The following PRKAG2 variants were observed in gnomAD, a reference collection of about 807,000 sequenced individuals.
PRKAG2 encodes 5'-AMP-activated protein kinase subunit gamma-2.
PRKAG2 carries 26 observed loss-of-function variants against 69.6 expected under a neutral mutation model. The observed-to-expected ratio is 0.37, with a 90% confidence interval of 0.27 to 0.52. The LOEUF (loss-of-function observed/expected upper bound fraction) is 0.52. PRKAG2 is among the 20% of genes least tolerant of loss of function. PRKAG2 has a pLI of 0.90. For missense variants in PRKAG2, 557 were observed against 740.0 expected (o/e 0.75, Z 2.87); for synonymous variants, 293 against 285.0 (o/e 1.03, Z -0.28).
At position 151,808,849 on chromosome 7, in the gene PRKAG2, G is replaced by A. The variant is rs148509576; in HGVS notation, c.115-22308C>T. On this transcript the variant is annotated intron_variant, in intron 1 of 15. Coordinates refer to ENST00000287878, the MANE Select transcript of PRKAG2 (RefSeq NM_016203.4). Reference sequence around the variant, plus strand: ...AAGTCCTGCAGTCTGTGAGACCCCCGAAGGGTCTGGGCCAGCATCCAAGGC... The same window carrying A: ...AAGTCCTGCAGTCTGTGAGACCCCCAAAGGGTCTGGGCCAGCATCCAAGGC... Among the ~76,000 whole-genome samples the A allele has an allele frequency of 9.5e-4, 144 of 152,254 alleles. 2 individuals are homozygous for A. In the East Asian group the frequency reaches 0.022, roughly 23 times the overall value.
intron 1 of PRKAG2, among the ~76,000 whole-genome samples, chr7:151,862,990 TG>T (rs1329141891): frequency 1.5e-5 from 2 of 133,388 alleles, no homozygotes; most frequent in African/African-American, 5.7e-5. Context: ...TGGTAGGTCC[TG>T]GGGTGCAGGG....
intron 5 of PRKAG2, among the ~76,000 whole-genome samples, chr7:151,619,697 T>A (rs1193917963): frequency 2.0e-5 from 3 of 152,178 alleles, no homozygotes; most frequent in African/African-American, 7.2e-5. Flanking sequence ...TCATTATGTA[T>A]ATGCAAATAT....
intron 1 of PRKAG2, among the ~76,000 whole-genome samples, chr7:151,869,892 T>C (rs60995722): frequency 0.041 from 6,166 of 152,210 alleles, 425 homozygotes; most frequent in African/African-American, 0.14. Context: ...CTGGGCCCTA[T>C]TGGAGCTTAC....
intron 3 of PRKAG2, chr7:151,736,433 C>T (rs56797283): frequency 1.0e-6 from 1 of 960,238 alleles, no homozygotes; most frequent in Non-Finnish European, 1.2e-6. Flanking sequence ...GAGGGAAGAC[C>T]AGATAGGCAA....
chr7:151,818,032 C>G (rs993273059), intron 1 of PRKAG2, among the ~76,000 whole-genome samples: 2 of 152,182 alleles, frequency 1.3e-5, no homozygotes, highest in African/African-American at 4.8e-5. Flanking sequence ...CCTATAACAT[C>G]TGAAATAAAC....
chr7:151,716,569 T>C (rs1294310617), intron 3 of PRKAG2, among the ~76,000 whole-genome samples: 2 of 151,960 alleles, frequency 1.3e-5, no homozygotes, highest in East Asian at 1.9e-4. Flanking sequence ...CCGCCCAGCC[T>C]TGCACTTAAC....
chr7:151,623,744 G>A lies in PRKAG2; in HGVS notation c.754+8325C>T, dbSNP rs550020438. Among the ~76,000 whole-genome samples, 184 of 152,232 alleles carry A rather than the reference G, an allele frequency of 1.2e-3. 1 individual carries two copies. Among genetic ancestry groups the A allele is most frequent in the Non-Finnish European group, 1.5e-3 (105 of 68,020 alleles). The stretch of plus-strand genomic sequence containing the variant: ...TTAAGTAGAAGAAATGAGACTCTAA[G>A]GTGAATCTGACTCATGCTCTTAATT... On this transcript the variant is annotated intron_variant, in intron 5 of 15. Coordinates refer to ENST00000287878, the MANE Select transcript of PRKAG2 (RefSeq NM_016203.4).
At chr7:151,681,718 A>G (rs912083864) in intron 3 of PRKAG2, among the ~76,000 whole-genome samples, 1 of 152,172 alleles carries the variant, frequency 6.6e-6, no homozygotes, top group African/African-American at 2.4e-5. Context: ...TTTAGCGAAT[A>G]AATGGCAGGG....
At chr7:151,560,998 C>T (rs180997648) in intron 14 of PRKAG2, among the ~76,000 whole-genome samples, 4 of 152,262 alleles carry the variant, frequency 2.6e-5, no homozygotes, top group Admixed American at 1.3e-4. Flanking sequence ...CATACGATGA[C>T]CTTAGGCTCT....
chr7:151,865,476 C>A (rs180774954), intron 1 of PRKAG2, among the ~76,000 whole-genome samples: 22 of 152,308 alleles, frequency 1.4e-4, no homozygotes, highest in African/African-American at 5.1e-4. Flanking sequence ...GACAGGGTGA[C>A]GGCATGCCCC....
At chr7:151,868,499 C>T (rs758936191) in intron 1 of PRKAG2, among the ~76,000 whole-genome samples, 3 of 152,262 alleles carry the variant, frequency 2.0e-5, no homozygotes, top group Non-Finnish European at 4.4e-5. Flanking sequence ...AAAGTCACCA[C>T]TCTGTTTCAA....
chr7:151,773,029 G>A (rs796235057), intron 3 of PRKAG2, among the ~76,000 whole-genome samples: 488 of 26,964 alleles, frequency 0.018, 18 homozygotes, highest in South Asian at 0.027. Context: ...AAGAAAGAGA[G>A]AGAGAGAGAG....
At chr7:151,870,705 G>A (rs907588603) in intron 1 of PRKAG2, among the ~76,000 whole-genome samples, 1 of 152,210 alleles carries the variant, frequency 6.6e-6, no homozygotes, top group Non-Finnish European at 1.5e-5. Context: ...CCGGATAGAG[G>A]CTATGGGGCA....
At position 151,756,706 on chromosome 7, in the gene PRKAG2, T is replaced by C. The variant is rs554291385; in HGVS notation, c.466+24446A>G. Among the ~76,000 whole-genome samples the C allele has an allele frequency of 2.6e-5, 4 of 152,118 alleles. No individual in the cohort carries two copies. Among genetic ancestry groups the C allele is most frequent in the African/African-American group, 9.6e-5 (4 of 41,512 alleles). ...GGCTCCCAGCGCCGCCCTCTTCCCT[T>C]CTCCCACCTGGGGTGGGAAAGGATT... On this transcript the variant is annotated intron_variant, in intron 3 of 15. Coordinates refer to ENST00000287878, the MANE Select transcript of PRKAG2 (RefSeq NM_016203.4). This position sits in a 1 kb window ranked among gnomAD's most constrained non-coding sequence, Gnocchi z 4.9.
At chr7:151,674,559 G>A (rs1330647991) in intron 4 of PRKAG2, among the ~76,000 whole-genome samples, 1 of 152,164 alleles carries the variant, frequency 6.6e-6, no homozygotes, top group Non-Finnish European at 1.5e-5. Flanking sequence ...AGGGCCCACT[G>A]TGTTGAAACA....
chr7:151,560,054 G>A (rs1804560797), intron 15 of PRKAG2: 2 of 984,990 alleles, frequency 2.0e-6, no homozygotes, highest in South Asian at 9.4e-5. Flanking sequence ...GAAAGTGAAT[G>A]TGATTTCTGT....
chr7:151,731,421 G>A (rs1798903309), intron 3 of PRKAG2, among the ~76,000 whole-genome samples: 1 of 152,222 alleles, frequency 6.6e-6, no homozygotes, highest in South Asian at 2.1e-4. Context: ...TCCAGCGACA[G>A]CCACAGGCTT....
chr7:151,572,602 C>G, intron 9 of PRKAG2, 62 bp downstream of exon 9: 1 of 1,218,598 alleles, frequency 8.2e-7, no homozygotes, highest in Non-Finnish European at 1.2e-6. Flanking sequence ...TGAAAACATA[C>G]TTTTCATACT....
In PRKAG2 at chr7:151,807,148, G is replaced by A. The variant is rs1403389817; in HGVS notation, c.115-20607C>T. The A allele has an allele frequency of 2.7e-6, 1 of 373,384 alleles. No individual in the cohort carries two copies. Among genetic ancestry groups the A allele is most frequent in the East Asian group, 7.2e-5 (1 of 13,810 alleles). 23.1% of individuals were successfully genotyped at this position (373,384 alleles called of 1,614,324 possible). A position where few individuals can be genotyped will look rare whatever the true frequency, so the allele number is the denominator to read the frequency against. On this transcript the variant is annotated intron_variant, in intron 1 of 15. Transcript: ENST00000287878. This position sits in a 1 kb window ranked among gnomAD's most constrained non-coding sequence, Gnocchi z 4.4. ...TGGAAATGTTCCAGATCACACTGTGGCGGTGGTCACATGACTGTGCACACT... is the reference window on the plus strand; with the variant it reads ...TGGAAATGTTCCAGATCACACTGTGACGGTGGTCACATGACTGTGCACACT...
Sources: gnomAD v4.1 joint callset for allele counts (sites outside exome capture counted in the v4.1 genomes callset) on GRCh38, gnomAD v4.1.1 for gene constraint, Gnocchi (gnomAD v3.1) non-coding constraint, MANE v1.5 for transcripts, NCBI Gene and HGNC (gene_info 2026-07-23, HGNC 2026-07-21) for gene names.